The following FHIT variants were observed in gnomAD, a reference collection of about 807,000 sequenced individuals.
FHIT encodes the protein bis(5'-adenosyl)-triphosphatase.
In FHIT, 19 loss-of-function variants were observed where a neutral mutation model predicts 17.9. The observed-to-expected ratio is 1.06, with a 90% CI of 0.74 to 1.56. The LOEUF (loss-of-function observed/expected upper bound fraction) is 1.56. FHIT is among the 40% of genes most tolerant of loss of function. The probability of loss-of-function intolerance (pLI) is 0.00; values close to 1 mark genes in which losing one functional copy is unlikely to be tolerated. For missense variants in FHIT, 248 were observed against 189.2 expected, an observed-to-expected ratio of 1.31 and a Z score of -1.82; for synonymous variants, 81 against 69.7, an observed-to-expected ratio of 1.16 and a Z score of -0.81.
intron 3 of FHIT, among the ~76,000 whole-genome samples, chr3:61,022,617 A>C (rs982190220): frequency 6.6e-6 from 1 of 152,220 alleles, no homozygotes; most frequent in Non-Finnish European, 1.5e-5. Context: ...CAAACTGAAT[A>C]CAGCAGCACA....
At chr3:60,904,574 A>C (rs7619721) in intron 3 of FHIT, among the ~76,000 whole-genome samples, 42,265 of 151,906 alleles carry the variant, frequency 0.28, 6,309 homozygotes, top group African/African-American at 0.37. Flanking sequence ...AAAAATAAAA[A>C]ATTAAGTGCA....
intron 4 of FHIT, among the ~76,000 whole-genome samples, chr3:60,682,149 T>C (rs2107864414): frequency 6.6e-6 from 1 of 152,130 alleles, no homozygotes; most frequent in African/African-American, 2.4e-5. Flanking sequence ...TTTTTTGTAT[T>C]TTTAGTAGAG....
chr3:60,251,678 T>C (rs1031258683), intron 5 of FHIT, among the ~76,000 whole-genome samples: 7 of 152,192 alleles, frequency 4.6e-5, no homozygotes, highest in African/African-American at 1.4e-4. Flanking sequence ...GTACAGGCAC[T>C]TCTAGTTAAT....
At chr3:60,066,606 T>C (rs1026269367) in intron 5 of FHIT, among the ~76,000 whole-genome samples, 3 of 150,684 alleles carry the variant, frequency 2.0e-5, no homozygotes, top group African/African-American at 4.9e-5. Context: ...CTATTTGTTA[T>C]AGGTTGATTT....
intron 8 of FHIT, among the ~76,000 whole-genome samples, chr3:59,797,642 T>G (rs1439504593): frequency 6.6e-6 from 1 of 152,210 alleles, no homozygotes; most frequent in Non-Finnish European, 1.5e-5. Flanking sequence ...CTCTCCTCCA[T>G]GCCGATATTA....
chr3:59,992,218 T>C (rs370591181), intron 7 of FHIT, among the ~76,000 whole-genome samples: 1 of 152,156 alleles, frequency 6.6e-6, no homozygotes, highest in South Asian at 2.1e-4. Context: ...ACATTGTTAC[T>C]TTAAACCTAA....
intron 5 of FHIT, among the ~76,000 whole-genome samples, chr3:60,453,052 G>C (rs974391336): frequency 2.6e-5 from 4 of 152,148 alleles, no homozygotes; most frequent in Non-Finnish European, 1.5e-5. Flanking sequence ...CTTCCTTTAG[G>C]AAATGCTAAA....
chr3:60,547,952 G>C (rs896695959), intron 4 of FHIT, among the ~76,000 whole-genome samples: 1 of 152,046 alleles, frequency 6.6e-6, no homozygotes, highest in Non-Finnish European at 1.5e-5. Context: ...TTCTTTTTCC[G>C]GATTTGCTTT....
At chr3:59,832,209 T>C (rs1377663470) in intron 8 of FHIT, among the ~76,000 whole-genome samples, 2 of 152,258 alleles carry the variant, frequency 1.3e-5, no homozygotes, top group South Asian at 2.1e-4. Flanking sequence ...AGTTAGACTA[T>C]TGAGTACTGT....
At chr3:60,008,057 C>G (rs1368634845) in intron 7 of FHIT, among the ~76,000 whole-genome samples, 2 of 152,098 alleles carry the variant, frequency 1.3e-5, no homozygotes, top group Non-Finnish European at 2.9e-5. Flanking sequence ...TCCAGGTCCT[C>G]ACAAAGCTTA....
chr3:61,144,501 C>T (rs1166062408), intron 2 of FHIT, among the ~76,000 whole-genome samples: 1 of 152,126 alleles, frequency 6.6e-6, no homozygotes, highest in African/African-American at 2.4e-5. Context: ...CTACTATGAA[C>T]ATTCATGTAC....
intron 4 of FHIT, among the ~76,000 whole-genome samples, chr3:60,581,023 AGGT>A (rs1327659323): frequency 6.6e-6 from 1 of 152,080 alleles, no homozygotes; most frequent in Non-Finnish European, 1.5e-5. Context: ...ATAGGATTCC[AGGT>A]GGTGCTGATG....
chr3:60,969,330 C>T (rs1255800491), intron 3 of FHIT, among the ~76,000 whole-genome samples: 1 of 151,810 alleles, frequency 6.6e-6, no homozygotes, highest in East Asian at 1.9e-4. Context: ...TTTTTTAGTG[C>T]TTTTTTATTT....
At chr3:60,811,244 A>C (rs1701563409) in intron 4 of FHIT, among the ~76,000 whole-genome samples, 1 of 152,190 alleles carries the variant, frequency 6.6e-6, no homozygotes, top group Admixed American at 6.5e-5. Flanking sequence ...GAGTTCTATA[A>C]GAAGAAAAAC....
At chr3:60,234,997 T>C (rs1704694011) in intron 5 of FHIT, among the ~76,000 whole-genome samples, 1 of 152,110 alleles carries the variant, frequency 6.6e-6, no homozygotes, top group African/African-American at 2.4e-5. Context: ...GCTACGTAGG[T>C]GACCCAAGTG....
chr3:60,188,272 T>C (rs1235412983), intron 5 of FHIT, among the ~76,000 whole-genome samples: 1 of 147,992 alleles, frequency 6.8e-6, no homozygotes, highest in Non-Finnish European at 1.5e-5. Context: ...TCCTTCAAAA[T>C]TAGACATTTT....
At chr3:61,097,835 T>C (rs748840009) in intron 2 of FHIT, among the ~76,000 whole-genome samples, 20 of 152,136 alleles carry the variant, frequency 1.3e-4, no homozygotes, top group Admixed American at 5.2e-4. Context: ...GTTCCTTATA[T>C]ATGCTGGATA....
At chr3:60,188,925 C>A (rs1702279123) in intron 5 of FHIT, among the ~76,000 whole-genome samples, 1 of 152,056 alleles carries the variant, frequency 6.6e-6, no homozygotes, top group Non-Finnish European at 1.5e-5. Context: ...GATTACACTT[C>A]TATTCATCTA....
chr3:60,716,005 C>G (rs941053754), intron 4 of FHIT, among the ~76,000 whole-genome samples: 3 of 151,960 alleles, frequency 2.0e-5, no homozygotes, highest in African/African-American at 7.3e-5. Context: ...AATCCCAGCA[C>G]TTCGGGAGGC....
Sources: gnomAD v4.1 joint callset for allele counts (sites outside exome capture counted in the v4.1 genomes callset) on GRCh38, gnomAD v4.1.1 for gene constraint, MANE v1.5 for transcripts, NCBI Gene and HGNC (gene_info 2026-07-23, HGNC 2026-07-21) for gene names.